TAF12: variants seen among roughly 807,000 people sequenced by gnomAD.
TAF12 encodes transcription initiation factor TFIID subunit 12.
TAF12 carries 3 observed loss-of-function variants against 20.8 expected under a neutral mutation model. The ratio of observed to expected loss-of-function variants is 0.14; its 90% confidence interval spans 0.07 to 0.37. The LOEUF is 0.37. TAF12 is among the 10% of genes least tolerant of loss of function. The probability of loss-of-function intolerance (pLI) is 1.00; values close to 1 mark genes in which losing one functional copy is unlikely to be tolerated. For missense variants in TAF12, 131 were observed against 197.9 expected, an observed-to-expected ratio of 0.66 and a Z score of 2.03; for synonymous variants, 69 against 70.2, an observed-to-expected ratio of 0.98 and a Z score of 0.09.
chr1:28,610,969 A>AC (rs1666836701), intron 4 of TAF12, among the ~76,000 whole-genome samples: 1 of 124,556 alleles, frequency 8.0e-6, no homozygotes. Context: ...AAAAAAAAAA[A>AC]AAAAAAAAAA....
chr1:28,638,105 A>C (rs1386148344), intron 1 of TAF12, among the ~76,000 whole-genome samples: 1 of 151,990 alleles, frequency 6.6e-6, no homozygotes, highest in African/African-American at 2.4e-5. Context: ...GGTTCAAGTG[A>C]TTCTCCTGCC....
At position 28,613,206 on chromosome 1, in the gene TAF12, G is replaced by A. The variant is rs376604294; in HGVS notation, c.361+41C>T. On this transcript the variant is annotated intron_variant, in intron 4 of 5. Coordinates refer to ENST00000373824, the MANE Select transcript of TAF12 (RefSeq NM_005644.4). ...CACTTTCCCTGGCAGTCCTGAAGAA[G>A]CAGTTGAATCCATACTTCAGGGAGA... 3 of 1,521,918 alleles carry A rather than the reference G, an allele frequency of 2.0e-6. No individual in the cohort carries two copies. The African/African-American group carries it at 4.1e-5, about 21-fold the overall frequency. 94.3% of individuals were successfully genotyped at this position (1,521,918 alleles called of 1,614,324 possible).
intron 4 of TAF12, among the ~76,000 whole-genome samples, chr1:28,611,384 A>T (rs937258680): frequency 6.6e-6 from 1 of 152,126 alleles, no homozygotes; most frequent in Non-Finnish European, 1.5e-5. Flanking sequence ...AAGTGTCCCT[A>T]AAAAAGATAT....
chr1:28,631,045 C>CAAAAAA (rs903921514), intron 1 of TAF12, among the ~76,000 whole-genome samples: 1 of 52,946 alleles, frequency 1.9e-5, no homozygotes, highest in Non-Finnish European at 3.8e-5. Flanking sequence ...ACTCCGTCTC[C>CAAAAAA]AAAAAAAAAA....
intron 3 of TAF12, 63 bp from the exon 4 acceptor site, chr1:28,613,424 A>G: frequency 7.2e-7 from 1 of 1,382,744 alleles, no homozygotes. Flanking sequence ...TGTTGCTGGG[A>G]CAACTGCTTT....
At chr1:28,631,630 G>A (rs1667633555) in intron 1 of TAF12, among the ~76,000 whole-genome samples, 1 of 152,152 alleles carries the variant, frequency 6.6e-6, no homozygotes, top group Admixed American at 6.6e-5. Context: ...AGGAGTTTGA[G>A]ACAAGGCTAG....
intron 2 of TAF12, among the ~76,000 whole-genome samples, chr1:28,620,759 A>T (rs906091020): frequency 6.6e-6 from 1 of 152,204 alleles, no homozygotes; most frequent in Non-Finnish European, 1.5e-5. Context: ...GGCTACAGTG[A>T]GCTATGATTA....
intron 2 of TAF12, among the ~76,000 whole-genome samples, chr1:28,621,172 C>T (rs1197085950): frequency 6.6e-6 from 1 of 152,184 alleles, no homozygotes; most frequent in Non-Finnish European, 1.5e-5. Context: ...CCATATTCAA[C>T]ATAGGTTGAT....
At chr1:28,648,200 C>A (rs1467994307) in intron 1 of TAF12, 2 of 985,348 alleles carry the variant, frequency 2.0e-6, no homozygotes, top group East Asian at 2.3e-4. Context: ...CAGTCAGATA[C>A]CTACAGCCGC....
upstream of TAF12, among the ~76,000 whole-genome samples, chr1:28,647,018 G>C (rs1457063641): frequency 4.0e-5 from 6 of 151,652 alleles, no homozygotes; most frequent in African/African-American, 1.5e-4. Flanking sequence ...ATTTTTAATA[G>C]AGACAGGGTT....
intron 1 of TAF12, among the ~76,000 whole-genome samples, chr1:28,628,622 TAC>T (rs993868675): frequency 6.6e-6 from 1 of 151,554 alleles, no homozygotes; most frequent in African/African-American, 2.4e-5. Flanking sequence ...CACAGAATTA[TAC>T]ACTTTAAATC....
exon 1 of TAF12, chr1:28,648,260 G>C: frequency 1.0e-6 from 1 of 985,184 alleles, no homozygotes; most frequent in Non-Finnish European, 1.2e-6. Flanking sequence ...GTGAGCAGTT[G>C]ACAAGAAAGA....
At chr1:28,613,876 G>A (rs1490637690) in intron 3 of TAF12, among the ~76,000 whole-genome samples, 1 of 152,206 alleles carries the variant, frequency 6.6e-6, no homozygotes, top group African/African-American at 2.4e-5. Context: ...GGGAAGCCGA[G>A]TTGGGAGGAT....
chr1:28,612,226 G>C (rs903355180), intron 4 of TAF12, among the ~76,000 whole-genome samples: 3 of 152,006 alleles, frequency 2.0e-5, no homozygotes, highest in Non-Finnish European at 4.4e-5. Context: ...AAGGCAGGTG[G>C]ATCAACAGAG....
At chr1:28,615,649 AG>A (rs1667010005) in intron 3 of TAF12, among the ~76,000 whole-genome samples, 3 of 122,376 alleles carry the variant, frequency 2.5e-5, no homozygotes, top group South Asian at 5.7e-4. Context: ...GCTGCACTCC[AG>A]CCTGGTCAAC....
At chr1:28,625,309 TAGG>T (rs886631441) in intron 1 of TAF12, among the ~76,000 whole-genome samples, 4 of 152,250 alleles carry the variant, frequency 2.6e-5, no homozygotes, top group African/African-American at 2.4e-5. Context: ...GAGGCTGAAG[TAGG>T]AGTACTGTTT....
chr1:28,625,580 C>T lies in TAF12; in HGVS notation c.-84-3415G>A, dbSNP rs184295248. On this transcript the variant is annotated intron_variant, in intron 1 of 5. Transcript: ENST00000373824. ...TTTTTGAGACGGAGTCTCGCTCTTT[C>T]GCCCAGGTCGGACTGCAGTGGCACT... 2.8e-3 allele frequency among the ~76,000 whole-genome samples: 393 copies of T among 138,724 alleles called. 3 individuals carry two copies. The highest frequency in any genetic ancestry group is 5.1e-3 in the Non-Finnish European group (333 of 65,926). The allele number at this position is 138,724 out of a possible 152,430, so 91.0% of individuals were successfully genotyped here.
intron 1 of TAF12, among the ~76,000 whole-genome samples, chr1:28,632,295 G>T (rs186877180): frequency 5.5e-4 from 83 of 152,236 alleles, no homozygotes; most frequent in Admixed American, 1.1e-3. Flanking sequence ...AATTAGCCTG[G>T]CATGGTGGCA....
At chr1:28,637,846 C>T (rs2124384047) in intron 1 of TAF12, among the ~76,000 whole-genome samples, 1 of 152,146 alleles carries the variant, frequency 6.6e-6, no homozygotes, top group South Asian at 2.1e-4. Flanking sequence ...CATAAAGAAT[C>T]CCAACCAAAA....
Sources: allele counts gnomAD v4.1 joint callset (sites outside exome capture counted in the v4.1 genomes callset), GRCh38; gene constraint gnomAD v4.1.1; transcripts MANE v1.5; gene names NCBI Gene and HGNC (gene_info 2026-07-23, HGNC 2026-07-21).